The following UGT1A4 variants were observed in gnomAD, a reference collection of about 807,000 sequenced individuals.
UGT1A4 encodes the protein UDP glucuronosyltransferase family 1 member A4, also known as UDP-glucuronosyltransferase 1A4.
Under a neutral mutation model 41.1 loss-of-function variants are expected in UGT1A4, and 32 were observed. That is an observed-to-expected ratio of 0.78 (90% CI 0.59 to 1.05). The LOEUF (loss-of-function observed/expected upper bound fraction) is 1.05. Among genes scored for constraint, UGT1A4 ranks in the 50% least tolerant of loss-of-function variants. The pLI is 0.00. For synonymous variants in UGT1A4, 283 were observed against 265.1 expected (o/e 1.07, Z -0.66); for missense variants, 748 against 677.4 (o/e 1.10, Z -1.16).
At chr2:233,760,288 A>G (rs1697385056) in intron 1 of UGT1A4, 1 of 1,613,154 alleles carries the variant, frequency 6.2e-7, no homozygotes, top group Non-Finnish European at 8.5e-7. Context: ...CAAAGGCGCC[A>G]TGGCTGTGGA....
In UGT1A4 at chr2:233,731,114, G is replaced by T. The variant is rs184066438; in HGVS notation, c.867+11427G>T. ...TTCTGTGCCTTTTTTATAAATGTAG[G>T]TATTATTGCAAAAGACTCTAAGCTT... On this transcript the variant is annotated intron_variant, in intron 1 of 4. Transcript: ENST00000373409. Among the ~76,000 whole-genome samples, 112 of 151,994 alleles carry T rather than the reference G, an allele frequency of 7.4e-4. 1 individual carries two copies. Among genetic ancestry groups the T allele is most frequent in the African/African-American group, 2.6e-3 (107 of 41,462 alleles).
At chr2:233,772,229 T>C in intron 4 of UGT1A4, 33 bp from the exon 5 acceptor site, 1 of 1,613,724 alleles carries the variant, frequency 6.2e-7, no homozygotes, top group Non-Finnish European at 8.5e-7. Context: ...ACCACAGGTG[T>C]TCCAGGCATA....
chr2:233,749,939 T>C (rs1438530093), intron 1 of UGT1A4, among the ~76,000 whole-genome samples: 1 of 151,928 alleles, frequency 6.6e-6, no homozygotes, highest in African/African-American at 2.4e-5. Context: ...CTTTCCTTTA[T>C]GAATTACCGA....
At chr2:233,727,757 G>T (rs561921755) in intron 1 of UGT1A4, among the ~76,000 whole-genome samples, 3 of 152,264 alleles carry the variant, frequency 2.0e-5, no homozygotes. Flanking sequence ...TGCTGCCCTT[G>T]AGCTGGGTGT....
rs1197156994 is a variant in UGT1A4 at position 233,719,218 on chromosome 2, A to C, written c.398A>C (p.His133Pro). ...CATAGGTGTTGTGTGGAGCTACTGC[A>C]TAATGAGGCCCTGATCAGGCACCTG... is the stretch of plus-strand genomic sequence containing the variant. The part of the protein sequence containing the change: ...ALHRCCVELL[H>P]NEALIRHLNA... Residue 133 changes from histidine to proline, a missense_variant, in exon 1 of 5, where the codon CAT becomes CCT. Coordinates refer to ENST00000373409, the MANE Select transcript of UGT1A4 (RefSeq NM_007120.3). 1.2e-6 allele frequency: 2 copies of C among 1,614,132 alleles called. No homozygotes were observed. Among genetic ancestry groups the C allele is most frequent in the Non-Finnish European group, 1.7e-6 (2 of 1,180,046 alleles).
At chr2:233,744,144 C>G (rs1446501937) in intron 1 of UGT1A4, 4 of 335,984 alleles carry the variant, frequency 1.2e-5, no homozygotes, top group Non-Finnish European at 2.3e-5. Context: ...CTGTGATGCT[C>G]CAAGACCAGG....
At position 233,769,418 on chromosome 2, in the gene UGT1A4, C is replaced by T; in HGVS notation, c.1307+979C>T. The T allele has an allele frequency of 1.4e-6, 2 of 1,431,096 alleles. No individual in the cohort carries two copies. The highest frequency in any genetic ancestry group is 1.9e-6 in the Non-Finnish European group (2 of 1,028,754). The allele number at this position is 1,431,096 out of a possible 1,614,324, so 88.6% of individuals were successfully genotyped here. ...GTGCATATGTGCGTGTGCGTTTGTG[C>T]ATGTGGCTGTGCTCATGTGTGGGTG... On this transcript the variant is annotated intron_variant, in intron 4 of 4. Transcript: ENST00000373409. The surrounding 1 kb of genome is among the most constrained non-coding windows in gnomAD (Gnocchi z 4.4).
At chr2:233,728,069 G>T (rs750317437) in intron 1 of UGT1A4, among the ~76,000 whole-genome samples, 1 of 152,220 alleles carries the variant, frequency 6.6e-6, no homozygotes, top group Non-Finnish European at 1.5e-5. Context: ...CCTTGTGAGT[G>T]CTCAGGGTCT....
At position 233,772,501 on chromosome 2, in the gene UGT1A4, G is replaced by T. The variant is rs778667717; in HGVS notation, c.1547G>T (p.Arg516Leu). 1.3e-5 allele frequency: 21 copies of T among 1,614,038 alleles called. No homozygotes were observed. In the African/African-American group the frequency reaches 2.5e-4, roughly 19 times the overall value. The change falls in exon 5 of 5, where the codon CGG (arginine) becomes CTG (leucine). Residue 516 changes from arginine to leucine, a missense_variant. By Grantham distance (102) the Arg-to-Leu change is moderately radical. Coordinates refer to ENST00000373409, the MANE Select transcript of UGT1A4 (RefSeq NM_007120.3). ...ITFKCCAYGY[R>L]KCLGKKGRVK... Reference sequence around the variant, plus strand: ...TTTAAATGTTGTGCTTATGGCTACCGGAAATGCTTGGGGAAAAAAGGGCGA... The same window carrying T: ...TTTAAATGTTGTGCTTATGGCTACCTGAAATGCTTGGGGAAAAAAGGGCGA...
At chr2:233,729,089 G>A (rs373016756) in intron 1 of UGT1A4, 93 of 1,612,442 alleles carry the variant, frequency 5.8e-5, no homozygotes, top group Middle Eastern at 2.1e-4. Flanking sequence ...CAGGCACAGC[G>A]TGGGGTGGAC....
intron 1 of UGT1A4, among the ~76,000 whole-genome samples, chr2:233,726,454 A>C (rs1306425444): frequency 2.6e-5 from 4 of 152,216 alleles, no homozygotes; most frequent in African/African-American, 9.6e-5. Context: ...CACTGAATGT[A>C]AGCTCATTTC....
Position 233,772,368 on chromosome 2 carries a change from G to A in UGT1A4, c.1414G>A (p.Ala472Thr), listed in dbSNP as rs775532505. Residue 472 changes from alanine to threonine, a missense_variant, in exon 5 of 5, where the codon GCG (alanine) becomes ACG (threonine). Physicochemically the swap from Ala to Thr is moderately conservative, Grantham distance 58. Transcript: ENST00000373409. ...GGAGTTTGTGATGAGGCACAAGGGC[G>A]CGCCACACCTGCGCCCCGCAGCCCA... ...WVEFVMRHKG[A>T]PHLRPAAHDL... 1.1e-4 allele frequency: 174 copies of A among 1,614,102 alleles called. No individual in the cohort carries two copies. In the Middle Eastern group the frequency reaches 1.6e-3, roughly 15 times the overall value.
chr2:233,754,940 G>C (rs777236330), intron 1 of UGT1A4: 1 of 1,335,680 alleles, frequency 7.5e-7, no homozygotes, highest in Admixed American at 1.9e-5. Flanking sequence ...GGTCAAAGGA[G>C]AATGGGTCCC....
chr2:233,722,900 A>G (rs976029568), intron 1 of UGT1A4, among the ~76,000 whole-genome samples: 17 of 145,938 alleles, frequency 1.2e-4, no homozygotes, highest in Middle Eastern at 3.6e-3. Context: ...GTGGAAGTGG[A>G]TCATCATAAA....
At position 233,726,141 on chromosome 2, in the gene UGT1A4, G is replaced by A. The variant is rs1025600360; in HGVS notation, c.867+6454G>A. On this transcript the variant is annotated intron_variant, in intron 1 of 4. Transcript: ENST00000373409. The stretch of plus-strand genomic sequence containing the variant: ...TGTTCACACCACCTCACTCCAGCCC[G>A]AGTGACAGAGTGAGGCCCCATTTCA... Among the ~76,000 whole-genome samples the A allele has an allele frequency of 5.9e-5, 9 of 152,188 alleles. No individual in the cohort carries two copies. The East Asian group carries it at 7.7e-4, about 13-fold the overall frequency.
At chr2:233,761,216 A>T in intron 1 of UGT1A4, 2 of 1,613,736 alleles carry the variant, frequency 1.2e-6, no homozygotes, top group Non-Finnish European at 1.7e-6. Flanking sequence ...TGGATCGATT[A>T]ACTAGCCCCA....
At chr2:233,758,253 TAGTA>T (rs1415898131) in intron 1 of UGT1A4, among the ~76,000 whole-genome samples, 2 of 152,180 alleles carry the variant, frequency 1.3e-5, no homozygotes, top group African/African-American at 2.4e-5. Context: ...CTATTCAGAT[TAGTA>T]AGTATTTCTT....
intron 1 of UGT1A4, among the ~76,000 whole-genome samples, chr2:233,763,903 G>C (rs779915264): frequency 2.2e-4 from 34 of 152,300 alleles, no homozygotes; most frequent in Middle Eastern, 3.4e-3. Flanking sequence ...CAGAAGATTA[G>C]TGAGGACCAA....
intron 2 of UGT1A4, 151 bp downstream of exon 2, chr2:233,767,316 TG>T: frequency 6.7e-7 from 1 of 1,493,284 alleles, no homozygotes; most frequent in Non-Finnish European, 8.8e-7. Flanking sequence ...TTTTTTTTGT[TG>T]TTGTGGTTGT....
Sources: gnomAD v4.1 joint callset for allele counts (sites outside exome capture counted in the v4.1 genomes callset) on GRCh38, gnomAD v4.1.1 for gene constraint, Gnocchi (gnomAD v3.1) non-coding constraint, MANE v1.5 for transcripts, NCBI Gene and HGNC (gene_info 2026-07-23, HGNC 2026-07-21) for gene names.